Variants in COL9A1 observed in about 807,000 individuals in gnomAD.
COL9A1 encodes the protein collagen alpha-1(IX) chain.
Under a neutral mutation model 142.6 loss-of-function variants are expected in COL9A1, and 104 were observed. The observed-to-expected ratio is 0.73, with a 90% CI of 0.62 to 0.86. COL9A1 has a LOEUF of 0.86. Ranked by LOEUF, COL9A1 falls within the 40% of genes least tolerant of loss-of-function variation. The probability of loss-of-function intolerance (pLI) is 0.00; values close to 1 mark genes in which losing one functional copy is unlikely to be tolerated. For synonymous variants in COL9A1, 466 were observed against 396.0 expected, an observed-to-expected ratio of 1.18 and a Z score of -2.10; for missense variants, 1,210 against 1,176.6, an observed-to-expected ratio of 1.03 and a Z score of -0.42.
chr6:70,238,835 A>T (rs1298244782), intron 33 of COL9A1, among the ~76,000 whole-genome samples: 1 of 152,200 alleles, frequency 6.6e-6, no homozygotes, highest in Non-Finnish European at 1.5e-5. Flanking sequence ...CATGAAAGTA[A>T]GTCCTTTAAG....
Position 70,280,760 on chromosome 6 carries a change from G to A in COL9A1, c.975+52C>T, listed in dbSNP as rs556527957. ...CCCCCCACAAAACACACACTTACTC[G>A]TACCCACCACACACCCCAGGCTGGG... On this transcript the variant is annotated intron_variant, in intron 10 of 37. Transcript: ENST00000357250. 36 of 1,550,658 alleles carry A rather than the reference G, an allele frequency of 2.3e-5. No homozygotes were observed. In the Admixed American group the frequency reaches 4.9e-4, roughly 21 times the overall value.
intron 10 of COL9A1, among the ~76,000 whole-genome samples, chr6:70,277,654 GTAGGACTCAA>G (rs1772857741): frequency 6.6e-6 from 1 of 152,192 alleles, no homozygotes; most frequent in South Asian, 2.1e-4. Flanking sequence ...AGCTCAGCTG[GTAGGACTCAA>G]GGCTTACTTC....
intron 36 of COL9A1, among the ~76,000 whole-genome samples, chr6:70,229,201 C>T (rs139162725): frequency 3.3e-5 from 5 of 152,256 alleles, no homozygotes; most frequent in Non-Finnish European, 7.4e-5. Flanking sequence ...ATTCTGCAAA[C>T]TGCTACTCCA....
At chr6:70,231,278 T>C (rs1206554967) in intron 36 of COL9A1, among the ~76,000 whole-genome samples, 13 of 152,214 alleles carry the variant, frequency 8.5e-5, no homozygotes, top group Admixed American at 8.5e-4. Flanking sequence ...AAGTCAACAA[T>C]CTACCTAAGG....
At position 70,301,904 on chromosome 6, in the gene COL9A1, C is replaced by T. The variant is rs972225779; in HGVS notation, c.88+97G>A. 4 of 965,902 alleles carry T rather than the reference C, an allele frequency of 4.1e-6. No individual in the cohort carries two copies. In the African/African-American group the frequency reaches 4.8e-5, roughly 12 times the overall value. The allele number at this position is 965,902 out of a possible 1,614,324, so 59.8% of individuals were successfully genotyped here. A position where few individuals can be genotyped will look rare whatever the true frequency, so the allele number is the denominator to read the frequency against. On this transcript the variant is annotated intron_variant, in intron 2 of 37. Transcript: ENST00000357250. ...GATTGAAGAGTGAGGGTGTGAAGGACTATGAATGCCTCACTCAGTCTTCAG... is the reference window on the plus strand; with the variant it reads ...GATTGAAGAGTGAGGGTGTGAAGGATTATGAATGCCTCACTCAGTCTTCAG...
chr6:70,272,513 G>A (rs1490068519), intron 12 of COL9A1, among the ~76,000 whole-genome samples: 1 of 151,978 alleles, frequency 6.6e-6, no homozygotes, highest in Non-Finnish European at 1.5e-5. Flanking sequence ...ATGTTTAGAA[G>A]TTCCCCAAAC....
At chr6:70,280,083 T>C (rs1016210683) in intron 10 of COL9A1, 9 of 669,988 alleles carry the variant, frequency 1.3e-5, no homozygotes, top group Admixed American at 4.4e-5. Context: ...CTGAAGTCAT[T>C]TTACTCTGAA....
At chr6:70,272,702 A>G (rs972906156) in intron 12 of COL9A1, among the ~76,000 whole-genome samples, 6 of 152,296 alleles carry the variant, frequency 3.9e-5, no homozygotes, top group African/African-American at 1.4e-4. Context: ...TAAGATAGTC[A>G]TTCTATTTTC....
At chr6:70,244,496 G>A (rs1297536483) in intron 28 of COL9A1, among the ~76,000 whole-genome samples, 1 of 152,156 alleles carries the variant, frequency 6.6e-6, no homozygotes, top group African/African-American at 2.4e-5. Context: ...AGTGCATCAT[G>A]ATTGACATCC....
At chr6:70,238,741 A>C (rs1770062056) in intron 33 of COL9A1, among the ~76,000 whole-genome samples, 1 of 152,266 alleles carries the variant, frequency 6.6e-6, no homozygotes, top group Admixed American at 6.5e-5. Context: ...GTTAGTTCAA[A>C]AGGTAAATCC....
intron 6 of COL9A1, chr6:70,283,363 A>G: frequency 1.1e-6 from 1 of 888,608 alleles, no homozygotes; most frequent in East Asian, 2.7e-5. Context: ...CCTCCATCCC[A>G]TCCACCCCAG....
chr6:70,255,364 T>G lies in COL9A1; in HGVS notation c.1530A>C (p.Pro510=), dbSNP rs770038405. 6.2e-7 allele frequency: 1 copy of G among 1,614,198 alleles called. No individual in the cohort carries two copies. Among genetic ancestry groups the G allele is most frequent in the South Asian group, 1.1e-5 (1 of 91,082 alleles). ...TATCTCCTTTGGGACCTGCTTCTCC[T>G]GGAGGTCCTCGCTGTCCTTGATCAC... ...APGDQGQRGP[P]GEAGPKGDRG... is the part of the protein sequence containing the mutation. Residue 510 remains proline, a synonymous_variant, in exon 22 of 38, where the codon CCA becomes CCC. Coordinates refer to ENST00000357250, the MANE Select transcript of COL9A1 (RefSeq NM_001851.6).
At chr6:70,279,648 CAA>C (rs57993118) in intron 10 of COL9A1, 1,013 of 58,186 alleles carry the variant, frequency 0.017, 6 homozygotes, top group Middle Eastern at 0.066. Flanking sequence ...AACTTCGTCT[CAA>C]AAAAAAAAAA....
chr6:70,294,401 T>C lies in COL9A1; in HGVS notation c.462A>G (p.Val154=), dbSNP rs150571620. Residue 154 remains valine (V), a synonymous_variant, in exon 5 of 38, where the codon GTA becomes GTG. Coordinates refer to ENST00000357250, the MANE Select transcript of COL9A1 (RefSeq NM_001851.6). ...IKINGQTQSV[V]FSYKGLDGSL... is the part of the protein sequence containing the mutation. ...TTCCATCCAGTCCCTTGTATGAAAATACAACAGATTGTGTTTGGCCATTAA... is the reference window on the plus strand; with the variant it reads ...TTCCATCCAGTCCCTTGTATGAAAACACAACAGATTGTGTTTGGCCATTAA... The C allele has an allele frequency of 1.5e-5, 24 of 1,614,070 alleles. No homozygotes were observed. In the African/African-American group the frequency reaches 2.8e-4, roughly 19 times the overall value.
At chr6:70,270,233 G>T (rs972418226) in intron 15 of COL9A1, 81 bp downstream of exon 15, 1 of 1,386,498 alleles carries the variant, frequency 7.2e-7, no homozygotes, top group Non-Finnish European at 1.0e-6. Context: ...CAATTAATAG[G>T]AACTTCCATT....
At chr6:70,222,106 G>A (rs560462303) in intron 37 of COL9A1, among the ~76,000 whole-genome samples, 4 of 152,224 alleles carry the variant, frequency 2.6e-5, no homozygotes, top group African/African-American at 9.6e-5. Flanking sequence ...TATCTGTCTT[G>A]TTATTACCTG....
At chr6:70,226,065 G>T in intron 36 of COL9A1, 56 bp from the exon 37 acceptor site, 6 of 1,450,568 alleles carry the variant, frequency 4.1e-6, no homozygotes, top group East Asian at 2.3e-5. Context: ...ATAAACTTCC[G>T]CATCTTTAAA....
intron 19 of COL9A1, 156 bp from the exon 20 acceptor site, chr6:70,260,866 T>C (rs1430494682): frequency 9.1e-6 from 6 of 656,112 alleles, no homozygotes; most frequent in Admixed American, 2.9e-5. Flanking sequence ...ATTTCTAGTT[T>C]AGAAAGTCCA....
intron 18 of COL9A1, among the ~76,000 whole-genome samples, chr6:70,266,436 A>G (rs1772020377): frequency 6.6e-6 from 1 of 152,226 alleles, no homozygotes; most frequent in Non-Finnish European, 1.5e-5. Context: ...CAAGGAAAAA[A>G]GCTGAGTGTG....
Sources: gnomAD v4.1 joint callset for allele counts (sites outside exome capture counted in the v4.1 genomes callset) on GRCh38, gnomAD v4.1.1 for gene constraint, MANE v1.5 for transcripts, NCBI Gene and HGNC (gene_info 2026-07-23, HGNC 2026-07-21) for gene names.